Variants in FARS2 observed in about 807,000 individuals in gnomAD.
FARS2 encodes the protein phenylalanine--tRNA ligase, mitochondrial.
FARS2 carries 40 observed loss-of-function variants against 46.4 expected under a neutral mutation model. The observed-to-expected ratio is 0.86, with a 90% CI of 0.67 to 1.12. FARS2 has a LOEUF of 1.12. FARS2 is among the 50% of genes most tolerant of loss of function. The pLI, the probability that FARS2 is intolerant of heterozygous loss-of-function variation, is 0.00. For missense variants in FARS2, 513 were observed against 567.9 expected (o/e 0.90, Z 0.98); for synonymous variants, 234 against 214.9 (o/e 1.09, Z -0.78).
chr6:5,383,944 C>T (rs1759956858), intron 2 of FARS2, among the ~76,000 whole-genome samples: 2 of 152,108 alleles, frequency 1.3e-5, no homozygotes, highest in Admixed American at 1.3e-4. Flanking sequence ...GAAGAAAATG[C>T]AATCTCTTTC....
At chr6:5,315,553 A>T (rs895840353) in intron 1 of FARS2, among the ~76,000 whole-genome samples, 5 of 152,216 alleles carry the variant, frequency 3.3e-5, no homozygotes, top group Non-Finnish European at 7.3e-5. Flanking sequence ...GATGGTGAGA[A>T]AAAGGAGCAA....
intron 6 of FARS2, among the ~76,000 whole-genome samples, chr6:5,659,669 C>A (rs933807067): frequency 6.6e-6 from 1 of 152,198 alleles, no homozygotes; most frequent in Admixed American, 6.5e-5. Context: ...CTATGCTGCA[C>A]AACAGAGTCA....
At chr6:5,290,844 C>T (rs977286532) in intron 1 of FARS2, among the ~76,000 whole-genome samples, 1 of 152,332 alleles carries the variant, frequency 6.6e-6, no homozygotes. Flanking sequence ...CTCAGCTTCT[C>T]CAGTAACTGG....
chr6:5,345,012 G>C (rs751728632), intron 1 of FARS2, among the ~76,000 whole-genome samples: 1 of 151,640 alleles, frequency 6.6e-6, no homozygotes, highest in South Asian at 2.1e-4. Context: ...GGGTGGTCTC[G>C]AACTCCTGAC....
At chr6:5,623,836 A>G (rs1582613053) in intron 6 of FARS2, among the ~76,000 whole-genome samples, 1 of 152,222 alleles carries the variant, frequency 6.6e-6, no homozygotes. Flanking sequence ...ACAGTGGCAG[A>G]TGAGATGACA....
chr6:5,628,429 C>A (rs145201662), intron 6 of FARS2, among the ~76,000 whole-genome samples: 32 of 152,316 alleles, frequency 2.1e-4, no homozygotes, highest in Middle Eastern at 3.4e-3. Flanking sequence ...GCTGTCAGAA[C>A]CCCTTTCTAG....
chr6:5,562,369 T>A (rs1772035255), intron 5 of FARS2, among the ~76,000 whole-genome samples: 1 of 152,160 alleles, frequency 6.6e-6, no homozygotes, highest in Non-Finnish European at 1.5e-5. Context: ...GTGGGGGTTT[T>A]GGCTCAATAC....
intron 6 of FARS2, among the ~76,000 whole-genome samples, chr6:5,615,900 C>T (rs577531542): frequency 6.9e-6 from 1 of 145,232 alleles, no homozygotes; most frequent in East Asian, 2.0e-4. Flanking sequence ...ATAGGTCTTC[C>T]TCCCACCCCA....
At chr6:5,677,274 G>C (rs1778813241) in intron 6 of FARS2, among the ~76,000 whole-genome samples, 1 of 152,192 alleles carries the variant, frequency 6.6e-6, no homozygotes, top group Non-Finnish European at 1.5e-5. Flanking sequence ...CTGGTCTGAA[G>C]AGGAACCGTA....
intron 1 of FARS2, among the ~76,000 whole-genome samples, chr6:5,262,111 A>C (rs890832689): frequency 6.6e-6 from 1 of 152,234 alleles, no homozygotes; most frequent in African/African-American, 2.4e-5. Context: ...ACTCAAGCAC[A>C]GCGAGAAGTA....
At chr6:5,700,540 G>A (rs998922793) in intron 6 of FARS2, among the ~76,000 whole-genome samples, 3 of 152,086 alleles carry the variant, frequency 2.0e-5, no homozygotes, top group Non-Finnish European at 4.4e-5. Flanking sequence ...TGGGAATACA[G>A]GTGCGCACCA....
At chr6:5,566,836 G>A (rs1582464606) in intron 5 of FARS2, among the ~76,000 whole-genome samples, 1 of 152,178 alleles carries the variant, frequency 6.6e-6, no homozygotes, top group East Asian at 1.9e-4. Flanking sequence ...CCCCTTACAG[G>A]TGAAACCAAC....
At chr6:5,361,411 T>C (rs906119181) in intron 1 of FARS2, among the ~76,000 whole-genome samples, 1 of 152,244 alleles carries the variant, frequency 6.6e-6, no homozygotes, top group Non-Finnish European at 1.5e-5. Flanking sequence ...CATTATTTCC[T>C]TGTGATAGAT....
chr6:5,321,122 A>G (rs188510167), intron 1 of FARS2, among the ~76,000 whole-genome samples: 3 of 152,316 alleles, frequency 2.0e-5, no homozygotes, highest in Admixed American at 2.0e-4. Flanking sequence ...AAAAAAAGTT[A>G]TAGATTTCTC....
intron 1 of FARS2, among the ~76,000 whole-genome samples, chr6:5,272,865 A>G (rs1465980938): frequency 6.6e-6 from 1 of 152,028 alleles, no homozygotes; most frequent in Middle Eastern, 3.2e-3. Context: ...TCTTTCCATG[A>G]GATTCACTTT....
intron 1 of FARS2, among the ~76,000 whole-genome samples, chr6:5,263,480 A>G (rs1765337271): frequency 6.6e-6 from 1 of 152,342 alleles, no homozygotes; most frequent in South Asian, 2.1e-4. Flanking sequence ...ATCATTCCGT[A>G]GCTACATCTC....
At chr6:5,302,767 G>T (rs984548043) in intron 1 of FARS2, among the ~76,000 whole-genome samples, 9 of 152,108 alleles carry the variant, frequency 5.9e-5, no homozygotes, top group Admixed American at 5.9e-4. Context: ...GTCGGCTCAC[G>T]GTGCAGAAAT....
At chr6:5,342,317 T>A (rs772131998) in intron 1 of FARS2, among the ~76,000 whole-genome samples, 2 of 152,236 alleles carry the variant, frequency 1.3e-5, no homozygotes, top group Non-Finnish European at 2.9e-5. Context: ...GCAGTGTTTA[T>A]TTGCACAACT....
intron 1 of FARS2, among the ~76,000 whole-genome samples, chr6:5,284,254 G>A (rs1766958842): frequency 6.6e-6 from 1 of 152,198 alleles, no homozygotes. Context: ...CTTATATGGA[G>A]TGCTGGTGAT....
Sources: allele counts gnomAD v4.1 joint callset (sites outside exome capture counted in the v4.1 genomes callset), GRCh38; gene constraint gnomAD v4.1.1; transcripts MANE v1.5; gene names NCBI Gene and HGNC (gene_info 2026-07-23, HGNC 2026-07-21).